The following PUS1 variants were observed in gnomAD, a reference collection of about 807,000 sequenced individuals.
The protein encoded by PUS1 is pseudouridine synthase 1, also known as pseudouridylate synthase 1 homolog.
Under a neutral mutation model 38.5 loss-of-function variants are expected in PUS1, and 25 were observed. That is an observed-to-expected ratio of 0.65 (90% CI 0.47 to 0.91). The LOEUF is 0.91. PUS1 is among the 40% of genes least tolerant of loss of function. The pLI, the probability that PUS1 is intolerant of heterozygous loss-of-function variation, is 0.00. For missense variants in PUS1, 597 were observed against 612.3 expected, an observed-to-expected ratio of 0.97 and a Z score of 0.26; for synonymous variants, 282 against 260.4, an observed-to-expected ratio of 1.08 and a Z score of -0.80.
At chr12:131,935,560 G>GTT (rs1250051772) in intron 3 of PUS1, among the ~76,000 whole-genome samples, 2 of 152,094 alleles carry the variant, frequency 1.3e-5, no homozygotes, top group Non-Finnish European at 2.9e-5. Context: ...TTGAGACGGA[G>GTT]TTTCACTCTT....
At chr12:131,935,205 G>C (rs928064835) in intron 3 of PUS1, among the ~76,000 whole-genome samples, 2 of 152,194 alleles carry the variant, frequency 1.3e-5, no homozygotes, top group Admixed American at 1.3e-4. Context: ...CTAGTGGGTG[G>C]GGGTGATGCA....
At position 131,942,086 on chromosome 12, in the gene PUS1, C is replaced by A. The variant is rs115537571; in HGVS notation, c.1236+103C>A. The A allele has an allele frequency of 9.3e-3, 9,831 of 1,056,284 alleles. 199 individuals carry two copies. Among genetic ancestry groups the A allele is most frequent in the African/African-American group, 0.076 (4,873 of 63,852 alleles). The allele number at this position is 1,056,284 out of a possible 1,614,324, so 65.4% of individuals were successfully genotyped here. ...CACAGAGAAGTGTGTCACTTCCCCG[C>A]AAGGCCACACAGCTGCTGCAGGAGC... On this transcript the variant is annotated intron_variant, in intron 5 of 5. Transcript: ENST00000376649.
At position 131,939,183 on chromosome 12, in the gene PUS1, C is replaced by T. The variant is rs1290388658; in HGVS notation, c.452C>T (p.Ala151Val). Residue 151 changes from alanine to valine, a missense_variant, in exon 4 of 6, where the codon GCA (alanine) becomes GTA (valine). Coordinates refer to ENST00000376649, the MANE Select transcript of PUS1 (RefSeq NM_025215.6). ...CTGCTTTGTTTACAGGGTGTGTCCG[C>T]AGCCGGCCAGGTGGTATCCCTGAAG... ...RCARTDKGVS[A>V]AGQVVSLKVW... 1 of 1,558,216 alleles carries T rather than the reference C, an allele frequency of 6.4e-7. No homozygotes were observed. The highest frequency in any genetic ancestry group is 1.9e-5 in the Admixed American group (1 of 52,952).
chr12:131,933,447 G>A (rs557597759), intron 3 of PUS1, among the ~76,000 whole-genome samples: 54 of 152,194 alleles, frequency 3.5e-4, no homozygotes, highest in Admixed American at 1.1e-3. Context: ...CTGTTTTTGT[G>A]TGTATGCTAA....
rs1461797452 is a variant in PUS1 at position 131,929,549 on chromosome 12, CAG to C, written c.-173_-172del. 5 of 548,488 alleles carry C rather than the reference CAG, an allele frequency of 9.1e-6. No homozygotes were observed. The highest frequency in any genetic ancestry group is 4.0e-5 in the African/African-American group (2 of 49,618). The allele number at this position is 548,488 out of a possible 1,614,324, so 34.0% of individuals were successfully genotyped here. A position where few individuals can be genotyped will look rare whatever the true frequency, so the allele number is the denominator to read the frequency against. On this transcript the variant is annotated 5_prime_UTR_variant, in exon 1 of 6. Transcript: ENST00000376649. ...GCTGGGGCGTCCAGGTCCGAGAGGT[CAG>C]GGGTCAGCTGGAGAGGGGCTGGGGC...
At chr12:131,939,375 C>G in intron 4 of PUS1, 100 bp downstream of exon 4, 1 of 817,376 alleles carries the variant, frequency 1.2e-6, no homozygotes. Flanking sequence ...GTCTCTGATG[C>G]AGAAGCGTAG....
Position 131,939,217 on chromosome 12 carries a change from G to T in PUS1, c.486G>T (p.Leu162=). Residue 162 remains leucine, a synonymous_variant, in exon 4 of 6, where the codon CTG becomes CTT. Transcript: ENST00000376649. ...AGQVVSLKVW[L]IDDILEKINS... Reference sequence around the variant, plus strand: ...AGGTGGTATCCCTGAAGGTGTGGCTGATTGACGACATTCTAGAAAAGATCA... The same window carrying T: ...AGGTGGTATCCCTGAAGGTGTGGCTTATTGACGACATTCTAGAAAAGATCA... 6.4e-7 allele frequency: 1 copy of T among 1,562,644 alleles called. No individual in the cohort carries two copies. The highest frequency in any genetic ancestry group is 8.7e-7 in the Non-Finnish European group (1 of 1,151,870).
At position 131,942,609 on chromosome 12, in the gene PUS1, T is replaced by C. The variant is rs543269775; in HGVS notation, c.1236+626T>C. Among the ~76,000 whole-genome samples, 6 of 152,258 alleles carry C rather than the reference T, an allele frequency of 3.9e-5. No individual in the cohort carries two copies. In the South Asian group the frequency reaches 6.2e-4, roughly 16 times the overall value. On this transcript the variant is annotated intron_variant, in intron 5 of 5. Coordinates refer to ENST00000376649, the MANE Select transcript of PUS1 (RefSeq NM_025215.6). ...TTTTAGTAGAGATGGGGTTTCACCA[T>C]GTTAGCCAGGATGGTCTTGATCTCC...
rs147555676 is a variant in PUS1 at position 131,941,812 on chromosome 12, G to T, written c.1065G>T (p.Pro355=). 1.4e-4 allele frequency: 233 copies of T among 1,613,764 alleles called. No homozygotes were observed. The highest frequency in any genetic ancestry group is 4.5e-4 in the Admixed American group (27 of 60,018). ...TTGGCAACGATGGGCTGCATGAGCC[G>T]CTGGACTGGGCGCAGGAGGAAGGAA... ...QRFGNDGLHE[P]LDWAQEEGKV... Residue 355 remains proline (P), a synonymous_variant, in exon 5 of 6, where the codon CCG becomes CCT. Transcript: ENST00000376649. This position sits in a 1 kb window ranked among gnomAD's most constrained non-coding sequence, Gnocchi z 4.4.
chr12:131,942,154 G>A lies in PUS1; in HGVS notation c.1236+171G>A, dbSNP rs568802097. On this transcript the variant is annotated intron_variant, in intron 5 of 5. Transcript: ENST00000376649. ...AGATGTTCCTTGTCTGCATGCCTGC[G>A]CCACCCACTTGCTCCCCCACGGGGT... Among the ~76,000 whole-genome samples, 13 of 152,236 alleles carry A rather than the reference G, an allele frequency of 8.5e-5. 1 individual carries two copies. In the East Asian group the frequency reaches 1.9e-3, roughly 23 times the overall value.
intron 4 of PUS1, among the ~76,000 whole-genome samples, chr12:131,940,184 A>G (rs1368869990): frequency 1.3e-5 from 2 of 151,360 alleles, no homozygotes; most frequent in Non-Finnish European, 2.9e-5. Flanking sequence ...ACACGCCACC[A>G]CAGCCGGCTG....
rs142543940 is a variant in PUS1, at chr12:131,934,103, A to G, written c.441+1791A>G. On this transcript the variant is annotated intron_variant, in intron 3 of 5. Coordinates refer to ENST00000376649, the MANE Select transcript of PUS1 (RefSeq NM_025215.6). ...TATCAGAAAGATCAAAGACTTTAAT[A>G]CTTTCACTAATTGTGCTACTGCTAT... 1.3e-3 allele frequency among the ~76,000 whole-genome samples: 193 copies of G among 152,356 alleles called. No homozygotes were observed. The East Asian group carries it at 0.035, about 28-fold the overall frequency.
At position 131,941,824 on chromosome 12, in the gene PUS1, G is replaced by A. The variant is rs143053373; in HGVS notation, c.1077G>A (p.Ala359=). The A allele has an allele frequency of 7.4e-6, 12 of 1,613,990 alleles. No individual in the cohort carries two copies. Among genetic ancestry groups the A allele is most frequent in the Admixed American group, 1.7e-5 (1 of 60,028 alleles). ...NDGLHEPLDW[A]QEEGKVAAFK... The stretch of plus-strand genomic sequence containing the variant: ...GGCTGCATGAGCCGCTGGACTGGGC[G>A]CAGGAGGAAGGAAAGGTCGCAGCCT... Residue 359 remains alanine, a synonymous_variant, in exon 5 of 6, where the codon GCG becomes GCA. Transcript: ENST00000376649. The surrounding 1 kb of genome is among the most constrained non-coding windows in gnomAD (Gnocchi z 4.4).
chr12:131,930,655 T>C (rs142561884), intron 2 of PUS1, among the ~76,000 whole-genome samples: 24 of 152,282 alleles, frequency 1.6e-4, no homozygotes, highest in Non-Finnish European at 3.1e-4. Context: ...GTGGTCTCCC[T>C]TTGTGGTCCA....
At position 131,941,966 on chromosome 12, in the gene PUS1, GGTGGCACGGGC is replaced by G; in HGVS notation, c.1221_1231del (p.Gly408GlnfsTer10). ...CTTCAGTGCCACCGCTCTCACGGCA[GGTGGCACGGGC>G]GCCAAGGTAGGGGCACAGTCCCAGC... is the stretch of plus-strand genomic sequence containing the variant. On this transcript the variant is annotated frameshift_variant, in exon 5 of 6. Transcript: ENST00000376649. LOFTEE classifies it high-confidence loss of function. This position sits in a 1 kb window ranked among gnomAD's most constrained non-coding sequence, Gnocchi z 4.4. 6.2e-7 allele frequency: 1 copy of G among 1,612,564 alleles called. No homozygotes were observed. The highest frequency in any genetic ancestry group is 8.5e-7 in the Non-Finnish European group (1 of 1,179,704).
intron 5 of PUS1, among the ~76,000 whole-genome samples, chr12:131,942,557 C>T (rs1325992284): frequency 2.6e-5 from 4 of 152,076 alleles, no homozygotes; most frequent in East Asian, 1.9e-4. Flanking sequence ...CAGGCGCCCA[C>T]CACCACGCCC....
At chr12:131,934,197 G>A (rs1348863198) in intron 3 of PUS1, among the ~76,000 whole-genome samples, 2 of 152,242 alleles carry the variant, frequency 1.3e-5, no homozygotes, top group East Asian at 1.9e-4. Context: ...GAGCGTGACC[G>A]TTGAAGCACC....
intron 5 of PUS1, 134 bp downstream of exon 5, chr12:131,942,117 C>A: frequency 1.1e-6 from 1 of 887,330 alleles, no homozygotes; most frequent in Non-Finnish European, 1.8e-6. Context: ...GGAGCAGGGG[C>A]AGGCGGTCTT....
rs1890969341 is a variant in PUS1 at position 131,939,307 on chromosome 12, T to TG, written c.544+34dup. On this transcript the variant is annotated intron_variant, in intron 4 of 5. Coordinates refer to ENST00000376649, the MANE Select transcript of PUS1 (RefSeq NM_025215.6). ...CTTGCAGTGCAGGCGGCCACACACCTGGTTGTAGATGGTCTTGCAGAGACA... is the reference window on the plus strand; with the variant it reads ...CTTGCAGTGCAGGCGGCCACACACCTGGGTTGTAGATGGTCTTGCAGAGACA... The TG allele has an allele frequency of 2.3e-6, 3 of 1,323,274 alleles. No homozygotes were observed. The African/African-American group carries it at 4.4e-5, about 19-fold the overall frequency. The allele number at this position is 1,323,274 out of a possible 1,614,324, so 82.0% of individuals were successfully genotyped here.
Sources: gnomAD v4.1 joint callset for allele counts (sites outside exome capture counted in the v4.1 genomes callset) on GRCh38, gnomAD v4.1.1 for gene constraint, Gnocchi (gnomAD v3.1) non-coding constraint, MANE v1.5 for transcripts, NCBI Gene and HGNC (gene_info 2026-07-23, HGNC 2026-07-21) for gene names.